Variants in EYA2 observed in about 807,000 individuals in gnomAD.
EYA2 encodes protein phosphatase EYA2.
A neutral mutation model predicts 69.2 loss-of-function variants in EYA2; 31 were observed. That is an observed-to-expected ratio of 0.45 (90% CI 0.34 to 0.60). EYA2 has a LOEUF of 0.60. Ranked by LOEUF, EYA2 falls within the 20% of genes least tolerant of loss-of-function variation. The pLI is 0.02. For missense variants in EYA2, 622 were observed against 701.2 expected (o/e 0.89, Z 1.28); for synonymous variants, 257 against 279.4 (o/e 0.92, Z 0.80).
intron 3 of EYA2, among the ~76,000 whole-genome samples, chr20:47,002,907 CTAAAA>C (rs1204515069): frequency 6.6e-6 from 1 of 152,156 alleles, no homozygotes; most frequent in Non-Finnish European, 1.5e-5. Flanking sequence ...TGGCAGTAGT[CTAAAA>C]GAAAGAAGGG....
chr20:47,121,183 C>T (rs1161684592), intron 9 of EYA2, among the ~76,000 whole-genome samples: 1 of 152,168 alleles, frequency 6.6e-6, no homozygotes, highest in East Asian at 1.9e-4. Flanking sequence ...CAACCTCCAC[C>T]TCCTGGGTTC....
At chr20:47,001,132 A>G (rs1200552477) in intron 2 of EYA2, among the ~76,000 whole-genome samples, 3 of 152,126 alleles carry the variant, frequency 2.0e-5, no homozygotes, top group South Asian at 2.1e-4. Flanking sequence ...CAGTTTCTCC[A>G]TCTGTACAAT....
At position 47,005,026 on chromosome 20, in the gene EYA2, G is replaced by A; in HGVS notation, c.240G>A (p.Gln80=). ...CGCAGTACAGTGCGGGGATCCAGCA[G>A]GCTACCCCCTATACAGCTTACCCAC... is the stretch of plus-strand genomic sequence containing the variant. The part of the protein sequence containing the change: ...GQTQYSAGIQ[Q]ATPYTAYPPP... Residue 80 remains glutamine, a synonymous_variant, in exon 4 of 16, where the codon CAG becomes CAA. Transcript: ENST00000327619. The A allele has an allele frequency of 6.2e-7, 1 of 1,614,024 alleles. No homozygotes were observed. The highest frequency in any genetic ancestry group is 8.5e-7 in the Non-Finnish European group (1 of 1,179,946).
intron 1 of EYA2, among the ~76,000 whole-genome samples, chr20:46,956,266 G>T (rs1378782592): frequency 6.6e-6 from 1 of 152,184 alleles, no homozygotes; most frequent in Non-Finnish European, 1.5e-5. Flanking sequence ...CAAAGCAATG[G>T]GTATAACCCC....
At chr20:47,156,061 CAT>C (rs1166003996) in intron 10 of EYA2, among the ~76,000 whole-genome samples, 4 of 78,096 alleles carry the variant, frequency 5.1e-5, no homozygotes, top group African/African-American at 3.0e-4. Context: ...CATATATATA[CAT>C]ACACACACAC....
In EYA2 at chr20:47,172,908, C is replaced by T; in HGVS notation, c.1198+41C>T. On this transcript the variant is annotated intron_variant, in intron 12 of 15. Transcript: ENST00000327619. ...CTTGGGCCTCCGAGGAAGGGAAACT[C>T]ATTGGGATGGATGCTGTCAGTGTCC... 3.8e-6 allele frequency: 6 copies of T among 1,575,646 alleles called. No homozygotes were observed. The South Asian group carries it at 7.1e-5, about 19-fold the overall frequency.
intron 1 of EYA2, among the ~76,000 whole-genome samples, chr20:46,975,511 A>G (rs1980405094): frequency 6.6e-6 from 1 of 152,230 alleles, no homozygotes; most frequent in African/African-American, 2.4e-5. Flanking sequence ...CTCTTAAAAA[A>G]TAAAATACAT....
chr20:46,934,252 G>C (rs1326850329), intron 1 of EYA2, among the ~76,000 whole-genome samples: 2 of 152,184 alleles, frequency 1.3e-5, no homozygotes, highest in Non-Finnish European at 2.9e-5. Flanking sequence ...GCTGTATCCA[G>C]GCACTCAAAC....
At chr20:46,940,646 G>A (rs149926205) in intron 1 of EYA2, among the ~76,000 whole-genome samples, 1 of 152,226 alleles carries the variant, frequency 6.6e-6, no homozygotes, top group Non-Finnish European at 1.5e-5. Context: ...TCTTGTCCCT[G>A]AGGGGTTAAA....
chr20:47,053,733 G>A (rs1312136122), intron 5 of EYA2, among the ~76,000 whole-genome samples: 1 of 150,984 alleles, frequency 6.6e-6, no homozygotes, highest in Non-Finnish European at 1.5e-5. Context: ...ACCCAAGGAG[G>A]TGAATATTGG....
At chr20:47,105,874 A>G (rs1199486294) in intron 9 of EYA2, among the ~76,000 whole-genome samples, 1 of 152,148 alleles carries the variant, frequency 6.6e-6, no homozygotes, top group Non-Finnish European at 1.5e-5. Flanking sequence ...ATGCCAAAAA[A>G]TCGATCATGA....
At chr20:47,034,935 G>A (rs1371659547) in intron 5 of EYA2, among the ~76,000 whole-genome samples, 4 of 152,182 alleles carry the variant, frequency 2.6e-5, no homozygotes, top group Admixed American at 1.3e-4. Context: ...CATTCTCTCT[G>A]TGTGTCTGGG....
intron 5 of EYA2, among the ~76,000 whole-genome samples, chr20:47,026,221 C>A (rs1312639300): frequency 1.3e-5 from 2 of 152,190 alleles, no homozygotes; most frequent in Non-Finnish European, 2.9e-5. Flanking sequence ...ATTGGAACAG[C>A]TAGTTAGCCA....
At chr20:47,025,487 A>G (rs6122544) in intron 5 of EYA2, among the ~76,000 whole-genome samples, 13,975 of 152,278 alleles carry the variant, frequency 0.092, 1,036 homozygotes, top group East Asian at 0.31. Flanking sequence ...CTAAGTCAAT[A>G]TATAGAAAGA....
At chr20:47,147,731 C>T (rs1005267944) in intron 10 of EYA2, among the ~76,000 whole-genome samples, 2 of 152,194 alleles carry the variant, frequency 1.3e-5, no homozygotes, top group Admixed American at 6.5e-5. Flanking sequence ...AACTTCCAGA[C>T]TCCCAGGGGA....
chr20:47,173,620 A>G (rs1401328909), intron 12 of EYA2, among the ~76,000 whole-genome samples: 4 of 150,244 alleles, frequency 2.7e-5, no homozygotes, highest in African/African-American at 4.9e-5. Context: ...AGGTCTTGCT[A>G]TGCTGCCCAG....
intron 6 of EYA2, among the ~76,000 whole-genome samples, chr20:47,073,857 TCTCA>T (rs1361030923): frequency 6.6e-6 from 1 of 152,092 alleles, no homozygotes; most frequent in Non-Finnish European, 1.5e-5. Context: ...TTTTAGACCA[TCTCA>T]GCTTTTCCTC....
chr20:46,923,954 T>G (rs981689122), intron 1 of EYA2, among the ~76,000 whole-genome samples: 1 of 152,182 alleles, frequency 6.6e-6, no homozygotes, highest in Non-Finnish European at 1.5e-5. Context: ...CTTAAGTTGG[T>G]GCTGGATGGT....
At chr20:46,922,209 G>T (rs1466871084) in intron 1 of EYA2, among the ~76,000 whole-genome samples, 1 of 152,164 alleles carries the variant, frequency 6.6e-6, no homozygotes, top group Non-Finnish European at 1.5e-5. Context: ...GGACAGGAGT[G>T]CTAATTGATT....
Sources: gnomAD v4.1 joint callset for allele counts (sites outside exome capture counted in the v4.1 genomes callset) on GRCh38, gnomAD v4.1.1 for gene constraint, MANE v1.5 for transcripts, NCBI Gene and HGNC (gene_info 2026-07-23, HGNC 2026-07-21) for gene names.